UBE2D3: variants seen among roughly 807,000 people sequenced by gnomAD.
The protein encoded by UBE2D3 is ubiquitin conjugating enzyme E2 D3.
Under a neutral mutation model 22.8 loss-of-function variants are expected in UBE2D3, and 2 were observed. That is an observed-to-expected ratio of 0.09 (90% CI 0.04 to 0.28). UBE2D3 has a LOEUF of 0.28. Ranked by LOEUF, UBE2D3 falls within the 10% of genes least tolerant of loss-of-function variation. UBE2D3 has a pLI of 1.00. For missense variants in UBE2D3, 27 were observed against 182.5 expected (o/e 0.15, Z 4.91); for synonymous variants, 56 against 60.4 (o/e 0.93, Z 0.34).
rs62329080 is a variant in UBE2D3 at position 102,803,619 on chromosome 4, T to C, written c.121-981A>G. The stretch of plus-strand genomic sequence containing the variant: ...GATCCAAAGAACAATTTTTTTTATC[T>C]TGATGAGCTTACACTGATAGACATG... On this transcript the variant is annotated intron_variant, in intron 4 of 7. Transcript: ENST00000453744. Among the ~76,000 whole-genome samples, 468 of 152,344 alleles carry C rather than the reference T, an allele frequency of 3.1e-3. 4 individuals carry two copies. The highest frequency in any genetic ancestry group is 3.7e-3 in the Non-Finnish European group (253 of 68,030).
At chr4:102,828,286 G>A, upstream of UBE2D3, 1 of 984,916 alleles carries the variant, frequency 1.0e-6, no homozygotes, top group Non-Finnish European at 1.2e-6. Context: ...AGTCTAGCTC[G>A]GGCCGGGATT....
intron 4 of UBE2D3, among the ~76,000 whole-genome samples, chr4:102,805,734 G>T (rs1726923554): frequency 1.3e-5 from 2 of 152,076 alleles, no homozygotes; most frequent in African/African-American, 4.8e-5. Flanking sequence ...ATATATCTCT[G>T]GTCAGTTATT....
At chr4:102,850,504 T>C (rs1281727661) in intron 1 of UBE2D3, among the ~76,000 whole-genome samples, 1 of 152,206 alleles carries the variant, frequency 6.6e-6, no homozygotes, top group Admixed American at 6.5e-5. Context: ...AATTTCTCTT[T>C]CTTCCTGGTT....
intron 2 of UBE2D3, among the ~76,000 whole-genome samples, chr4:102,822,939 C>T (rs552593923): frequency 6.6e-6 from 1 of 151,942 alleles, no homozygotes; most frequent in Non-Finnish European, 1.5e-5. Context: ...CCGTCTCCAA[C>T]AACAACAAAA....
chr4:102,842,563 A>T (rs1443917836), intron 1 of UBE2D3, among the ~76,000 whole-genome samples: 1 of 151,960 alleles, frequency 6.6e-6, no homozygotes, highest in Non-Finnish European at 1.5e-5. Context: ...AAAAAAAAAA[A>T]ACCTCGAGTT....
At chr4:102,826,724 G>A in intron 1 of UBE2D3, 88 bp from the exon 2 acceptor site, 1 of 1,423,108 alleles carries the variant, frequency 7.0e-7, no homozygotes, top group Non-Finnish European at 9.1e-7. Context: ...CCGCGATCCG[G>A]GGTGGGTGGG....
In UBE2D3 at chr4:102,839,440, T is replaced by A. The variant is rs553794975; in HGVS notation, c.-128-12804A>T. 2.0e-5 allele frequency among the ~76,000 whole-genome samples: 3 copies of A among 152,146 alleles called. No homozygotes were observed. The East Asian group carries it at 5.8e-4, about 29-fold the overall frequency. On this transcript the variant is annotated intron_variant, in intron 1 of 7. Transcript: ENST00000338145. ...CCGCTTGCCGCCACACCCAGCTAAT[T>A]TTTTTTATCTTTTGTAGAAACAGGG... is the stretch of plus-strand genomic sequence containing the variant.
chr4:102,825,188 G>C (rs1024113535), intron 2 of UBE2D3: 12 of 959,152 alleles, frequency 1.3e-5, no homozygotes, highest in Non-Finnish European at 1.5e-5. Context: ...ATTCCTCTCA[G>C]AACTCTTTTT....
intron 1 of UBE2D3, among the ~76,000 whole-genome samples, chr4:102,834,281 A>C (rs1455591585): frequency 6.6e-6 from 1 of 152,188 alleles, no homozygotes; most frequent in Non-Finnish European, 1.5e-5. Context: ...AGTTTTCATA[A>C]GGGTTTTTAT....
chr4:102,799,837 G>GC (rs199658855), intron 6 of UBE2D3, among the ~76,000 whole-genome samples: 1 of 146,604 alleles, frequency 6.8e-6, no homozygotes, highest in Non-Finnish European at 1.5e-5. Flanking sequence ...GTGGCTGGGG[G>GC]GGGGGGGACT....
chr4:102,862,534 C>T (rs542171138), intron 1 of UBE2D3, among the ~76,000 whole-genome samples: 1 of 148,284 alleles, frequency 6.7e-6, no homozygotes, highest in African/African-American at 2.4e-5. Context: ...GATCAAATGT[C>T]CTACTTTTTC....
At chr4:102,819,325 G>A (rs949913536) in intron 2 of UBE2D3, among the ~76,000 whole-genome samples, 19 of 134,026 alleles carry the variant, frequency 1.4e-4, no homozygotes, top group African/African-American at 5.8e-4. Context: ...CCAAGACTCC[G>A]CCTCAAAAAA....
upstream of UBE2D3, among the ~76,000 whole-genome samples, chr4:102,830,561 T>A (rs569308449): frequency 6.6e-6 from 1 of 151,994 alleles, no homozygotes; most frequent in Non-Finnish European, 1.5e-5. Context: ...CATGAGAAAA[T>A]AGAAAGGATC....
intron 1 of UBE2D3, among the ~76,000 whole-genome samples, chr4:102,860,012 A>AT (rs1047426138): frequency 4.0e-5 from 6 of 151,452 alleles, no homozygotes; most frequent in East Asian, 1.9e-4. Flanking sequence ...CTCCTGGCTA[A>AT]TTTTTTTTGT....
intron 1 of UBE2D3, among the ~76,000 whole-genome samples, chr4:102,837,353 C>T (rs982211500): frequency 3.9e-5 from 6 of 152,164 alleles, no homozygotes; most frequent in Non-Finnish European, 5.9e-5. Context: ...TCAAAACTCA[C>T]TTCCTAGTTA....
chr4:102,803,291 T>A (rs1437733003), intron 4 of UBE2D3, among the ~76,000 whole-genome samples: 1 of 152,210 alleles, frequency 6.6e-6, no homozygotes, highest in Non-Finnish European at 1.5e-5. Flanking sequence ...ACTGACCTAC[T>A]CAGGAATTTA....
intron 7 of UBE2D3, chr4:102,799,041 C>T: frequency 2.7e-6 from 4 of 1,485,622 alleles, no homozygotes; most frequent in South Asian, 2.3e-5. Context: ...TTAAGTTGAA[C>T]ATAAATATAA....
chr4:102,847,451 AATTTTTGT>A (rs1163983645), intron 1 of UBE2D3, among the ~76,000 whole-genome samples: 1 of 151,558 alleles, frequency 6.6e-6, no homozygotes, highest in Non-Finnish European at 1.5e-5. Flanking sequence ...ACACCCAGCT[AATTTTTGT>A]ATTTTTTCAT....
At chr4:102,816,419 A>G (rs1311854670) in intron 2 of UBE2D3, among the ~76,000 whole-genome samples, 1 of 152,228 alleles carries the variant, frequency 6.6e-6, no homozygotes, top group East Asian at 1.9e-4. Flanking sequence ...AACAGCAGCA[A>G]TAACAAAGAG....
Sources: allele counts gnomAD v4.1 joint callset (sites outside exome capture counted in the v4.1 genomes callset), GRCh38; gene constraint gnomAD v4.1.1; transcripts MANE v1.5; gene names NCBI Gene and HGNC (gene_info 2026-07-23, HGNC 2026-07-21).